Variants in WDR44 observed in about 807,000 individuals in gnomAD.
WDR44 encodes WD repeat-containing protein 44.
A neutral mutation model predicts 65.7 loss-of-function variants in WDR44; 9 were observed. That is an observed-to-expected ratio of 0.14 (90% confidence interval 0.08 to 0.24). The LOEUF is 0.24. Ranked by LOEUF, WDR44 falls within the 10% of genes least tolerant of loss-of-function variation. The pLI, the probability that WDR44 is intolerant of heterozygous loss-of-function variation, is 1.00. For synonymous variants in WDR44, 220 were observed against 235.2 expected (o/e 0.94, Z 0.59); for missense variants, 425 against 670.9 (o/e 0.63, Z 4.05).
In WDR44 at chrX:118,385,333, A is replaced by G. The variant is rs144411459; in HGVS notation, c.112-2007A>G. 1.9e-3 allele frequency among the ~76,000 whole-genome samples: 218 copies of G among 112,513 alleles called. 1 individual carries two copies. Among genetic ancestry groups the G allele is most frequent in the African/African-American group, 6.9e-3 (213 of 31,031 alleles). ...GAATACTATGCAGCCATAAAAAAGA[A>G]CGAGATCATGTCCTTTGCAGGGCCA... On this transcript the variant is annotated intron_variant, in intron 2 of 19. Transcript: ENST00000254029.
At position 118,402,520 on chromosome X, in the gene WDR44, G is replaced by A. The variant is rs186409892; in HGVS notation, c.1275-1818G>A. 2.6e-3 allele frequency among the ~76,000 whole-genome samples: 285 copies of A among 108,445 alleles called. 2 individuals carry two copies. Among genetic ancestry groups the A allele is most frequent in the African/African-American group, 9.3e-3 (277 of 29,726 alleles). The allele number at this position is 108,445 out of a possible 115,157, so 94.2% of individuals were successfully genotyped here. On this transcript the variant is annotated intron_variant, in intron 8 of 19. Coordinates refer to ENST00000254029, the MANE Select transcript of WDR44 (RefSeq NM_019045.5). ...CCGAGCACTTTGGGAGGCCAAGGCA[G>A]GTGGATCACTTGAGTCCAGGAGTTC... is the stretch of plus-strand genomic sequence containing the variant.
At chrX:118,447,876 AT>A (rs1367889857) in intron 19 of WDR44, among the ~76,000 whole-genome samples, 4 of 5,317 alleles carry the variant, frequency 7.5e-4, no homozygotes, top group African/African-American at 6.8e-3. Flanking sequence ...TCTATCTAAA[AT>A]ATATATATAT....
At chrX:118,436,276 G>C (rs1158471221) in intron 13 of WDR44, among the ~76,000 whole-genome samples, 1 of 112,016 alleles carries the variant, frequency 8.9e-6, no homozygotes, top group African/African-American at 3.2e-5. Context: ...CATTTTAAAT[G>C]ACAATTAGAG....
chrX:118,363,423 G>A (rs1602865685), intron 1 of WDR44, among the ~76,000 whole-genome samples: 1 of 106,034 alleles, frequency 9.4e-6, no homozygotes, highest in Non-Finnish European at 1.9e-5. Context: ...AAAAAAGGGA[G>A]AAAAAAGAAA....
intron 1 of WDR44, among the ~76,000 whole-genome samples, chrX:118,361,424 C>T (rs751958250): frequency 9.0e-6 from 1 of 111,712 alleles, no homozygotes; most frequent in Admixed American, 9.5e-5. Context: ...CTCTTTGAAA[C>T]CACAGAAATT....
intron 19 of WDR44, among the ~76,000 whole-genome samples, chrX:118,448,421 G>A (rs903072375): frequency 1.8e-5 from 2 of 111,858 alleles, no homozygotes; most frequent in Admixed American, 1.9e-4. Flanking sequence ...CAGCAAACGT[G>A]TGTACTTCAT....
intron 1 of WDR44, among the ~76,000 whole-genome samples, chrX:118,357,833 C>T (rs2056475008): frequency 9.1e-6 from 1 of 110,234 alleles, no homozygotes. Flanking sequence ...GAGCCATAAT[C>T]ACACCACTGC....
rs199816768 is a variant in WDR44 at position 118,409,663 on chromosome X, G to C, written c.1672+36G>C. ...TCTATTTAAAAATCTACAGAAACCT[G>C]AAGTTTTTACATTTTAGGTATACTG... On this transcript the variant is annotated intron_variant, in intron 11 of 19. Coordinates refer to ENST00000254029, the MANE Select transcript of WDR44 (RefSeq NM_019045.5). 8.8e-6 allele frequency: 10 copies of C among 1,138,474 alleles called. No individual in the cohort carries two copies. The Admixed American group carries it at 2.3e-4, about 26-fold the overall frequency. 93.8% of individuals were successfully genotyped at this position (1,138,474 alleles called of 1,213,427 possible). A position where few individuals can be genotyped will look rare whatever the true frequency, so the allele number is the denominator to read the frequency against.
At chrX:118,429,260 T>G (rs4551523) in intron 12 of WDR44, among the ~76,000 whole-genome samples, 14,730 of 110,998 alleles carry the variant, frequency 0.13, 1,102 homozygotes, top group African/African-American at 0.28. Flanking sequence ...GTTTCAGGTT[T>G]AAACTTTTTG....
At chrX:118,383,418 C>G (rs982315642) in intron 2 of WDR44, among the ~76,000 whole-genome samples, 1 of 111,258 alleles carries the variant, frequency 9.0e-6, no homozygotes, top group African/African-American at 3.3e-5. Flanking sequence ...TGGGCAACTG[C>G]GAGACCCTGC....
At chrX:118,418,862 C>T (rs1232420647) in intron 12 of WDR44, among the ~76,000 whole-genome samples, 1 of 110,639 alleles carries the variant, frequency 9.0e-6, no homozygotes, top group East Asian at 2.9e-4. Flanking sequence ...CTTGCTGAGG[C>T]TGCTGTGGGG....
At chrX:118,441,058 C>T (rs1187991097) in intron 14 of WDR44, among the ~76,000 whole-genome samples, 1 of 95,630 alleles carries the variant, frequency 1.0e-5, no homozygotes, top group Non-Finnish European at 2.0e-5. Context: ...CTCCTGGGTT[C>T]AAGCGATTCT....
intron 1 of WDR44, among the ~76,000 whole-genome samples, chrX:118,354,825 G>A (rs1384526741): frequency 9.0e-6 from 1 of 111,552 alleles, no homozygotes; most frequent in Non-Finnish European, 1.9e-5. Context: ...TTGAACCATG[G>A]GCATTCTTAT....
chrX:118,371,647 TTAAA>T (rs2056614506), intron 1 of WDR44, among the ~76,000 whole-genome samples: 1 of 111,821 alleles, frequency 8.9e-6, no homozygotes, highest in East Asian at 2.8e-4. Context: ...TATTTATTAT[TTAAA>T]TAAATATTTA....
At position 118,367,260 on chromosome X, in the gene WDR44, A is replaced by G. The variant is rs1191735434; in HGVS notation, c.78-11159A>G. On this transcript the variant is annotated intron_variant, in intron 1 of 19. Transcript: ENST00000254029. ...ATATATTTGAAATAGCCATAAGTAAATGTTGGAAAAACTCCCCCTAAATAT... is the reference window on the plus strand; with the variant it reads ...ATATATTTGAAATAGCCATAAGTAAGTGTTGGAAAAACTCCCCCTAAATAT... Among the ~76,000 whole-genome samples the G allele has an allele frequency of 2.7e-5, 3 of 111,711 alleles. No homozygotes were observed. The East Asian group carries it at 8.4e-4, about 31-fold the overall frequency.
intron 14 of WDR44, among the ~76,000 whole-genome samples, chrX:118,438,624 A>G (rs1280514950): frequency 9.1e-6 from 1 of 109,402 alleles, no homozygotes; most frequent in Non-Finnish European, 1.9e-5. Flanking sequence ...TTGTATTTTT[A>G]GTAGAGACAG....
Position 118,395,297 on chromosome X carries a change from G to A in WDR44, c.1006G>A (p.Gly336Ser), listed in dbSNP as rs1183873795. The A allele has an allele frequency of 1.7e-6, 2 of 1,208,512 alleles. No individual in the cohort carries two copies. Among genetic ancestry groups the A allele is most frequent in the Non-Finnish European group, 1.1e-6 (1 of 894,523 alleles). The change falls in exon 6 of 20, where the codon GGC becomes AGC. Residue 336 changes from glycine (G) to serine (S), a missense_variant. Gly to Ser is a moderately conservative substitution (Grantham distance 56, BLOSUM62 0). Coordinates refer to ENST00000254029, the MANE Select transcript of WDR44 (RefSeq NM_019045.5). ...DGQTVAGEVM[G>S]PQRPRSNSGR... ...GCAGACTGTAGCAGGTGAAGTGATG[G>A]GCCCTCAGAGACCTAGATCCAACTC... is the stretch of plus-strand genomic sequence containing the variant.
intron 1 of WDR44, among the ~76,000 whole-genome samples, chrX:118,362,598 T>C (rs2056521050): frequency 9.0e-6 from 1 of 111,176 alleles, no homozygotes; most frequent in Admixed American, 9.6e-5. Context: ...ATTCAGTGCA[T>C]GCACTGTCTG....
intron 10 of WDR44, among the ~76,000 whole-genome samples, chrX:118,407,443 G>C (rs1272022908): frequency 9.2e-6 from 1 of 108,247 alleles, no homozygotes; most frequent in Non-Finnish European, 1.9e-5. Flanking sequence ...AGAGGTTGTG[G>C]TGAGTCGAGT....
Sources: allele counts gnomAD v4.1 joint callset (sites outside exome capture counted in the v4.1 genomes callset), GRCh38; gene constraint gnomAD v4.1.1; transcripts MANE v1.5; gene names NCBI Gene and HGNC (gene_info 2026-07-23, HGNC 2026-07-21).